SUPV3L1: variants seen among roughly 807,000 people sequenced by gnomAD.
SUPV3L1 encodes the protein Suv3 like RNA helicase.
A neutral mutation model predicts 70.0 loss-of-function variants in SUPV3L1; 35 were observed. That is an observed-to-expected ratio of 0.50 (90% confidence interval 0.38 to 0.66). The LOEUF (loss-of-function observed/expected upper bound fraction) is 0.66. Among genes scored for constraint, SUPV3L1 ranks in the 30% least tolerant of loss-of-function variants. SUPV3L1 has a pLI of 0.00. For missense variants in SUPV3L1, 777 were observed against 961.5 expected, an observed-to-expected ratio of 0.81 and a Z score of 2.54; for synonymous variants, 364 against 341.9, an observed-to-expected ratio of 1.06 and a Z score of -0.71.
At chr10:69,205,537 G>A (rs1842803210) in intron 13 of SUPV3L1, among the ~76,000 whole-genome samples, 1 of 152,106 alleles carries the variant, frequency 6.6e-6, no homozygotes, top group South Asian at 2.1e-4. Flanking sequence ...ATGATGCGTG[G>A]TGTGTTTTCT....
chr10:69,202,768 G>A (rs763773154), intron 12 of SUPV3L1, 99 bp from the exon 13 acceptor site: 144 of 1,291,410 alleles, frequency 1.1e-4, no homozygotes, highest in Non-Finnish European at 1.5e-4. Context: ...AGTTTGTTCT[G>A]GATTAAAGAG....
intron 6 of SUPV3L1, chr10:69,192,040 C>T: frequency 4.4e-6 from 1 of 227,240 alleles, no homozygotes; most frequent in Non-Finnish European, 8.8e-6. Context: ...CTCCCGACCT[C>T]AGGTGATCTG....
intron 10 of SUPV3L1, 125 bp from the exon 11 acceptor site, chr10:69,200,155 T>C: frequency 2.7e-6 from 2 of 736,628 alleles, no homozygotes; most frequent in Non-Finnish European, 4.4e-6. Flanking sequence ...CTTTCCTTAA[T>C]TTTGTAAGTG....
chr10:69,183,414 C>T (rs984881073), intron 1 of SUPV3L1, among the ~76,000 whole-genome samples: 2 of 152,190 alleles, frequency 1.3e-5, no homozygotes, highest in Admixed American at 6.5e-5. Context: ...CGCAGTGTCT[C>T]GTGCCTGCAA....
In SUPV3L1 at chr10:69,199,155, A is replaced by G. The variant is rs1842620538; in HGVS notation, c.1256A>G (p.Lys419Arg). The change falls in exon 10 of 15, where the codon AAA (lysine) becomes AGA (arginine). Residue 419 changes from lysine to arginine, a missense_variant. Physicochemically the swap from Lys to Arg is conservative, Grantham distance 26 (BLOSUM62 2). Transcript: ENST00000359655. ...TTTAATGATCCCAATGACCCATGCA[A>G]AATCTTGGTTGCTACAGATGCAATT... The part of the protein sequence containing the change: ...KKFNDPNDPC[K>R]ILVATDAIGM... 6.2e-7 allele frequency: 1 copy of G among 1,612,772 alleles called. No individual in the cohort carries two copies. Among genetic ancestry groups the G allele is most frequent in the Non-Finnish European group, 8.5e-7 (1 of 1,179,670 alleles).
chr10:69,200,502 A>G lies in SUPV3L1; in HGVS notation c.1518+3A>G, dbSNP rs1317463952. On this transcript the variant is annotated splice_donor_region_variant and intron_variant, in intron 11 of 14. Coordinates refer to ENST00000359655, the MANE Select transcript of SUPV3L1 (RefSeq NM_003171.5). ...AGAGGCCTGTGGATCCTATAAGGGT[A>G]AGAGGTAACATGTTAACTACTGCTT... 1 of 1,608,768 alleles carries G rather than the reference A, an allele frequency of 6.2e-7. No homozygotes were observed. The highest frequency in any genetic ancestry group is 2.2e-5 in the East Asian group (1 of 44,850).
chr10:69,203,877 C>T (rs1356536725), intron 13 of SUPV3L1, among the ~76,000 whole-genome samples: 2 of 151,780 alleles, frequency 1.3e-5, no homozygotes, highest in African/African-American at 2.4e-5. Context: ...AGGCATGTGC[C>T]ACCATGCCCA....
Position 69,206,011 on chromosome 10 carries a change from TG to T in SUPV3L1, c.1777-1780del, listed in dbSNP as rs1842819197. On this transcript the variant is annotated intron_variant, in intron 13 of 14. Coordinates refer to ENST00000359655, the MANE Select transcript of SUPV3L1 (RefSeq NM_003171.5). ...ATGGAGCTCCTTTAGGGCCAGCTGC[TG>T]GATGGATGGATGGATGGATGGATGG... Among the ~76,000 whole-genome samples, 4 of 11,198 alleles carry T rather than the reference TG, an allele frequency of 3.6e-4. No homozygotes were observed. In the Non-Finnish European group the frequency reaches 0.017, roughly 47 times the overall value. The allele number at this position is 11,198 out of a possible 152,430, so 7.3% of individuals were successfully genotyped here. A position where few individuals can be genotyped will look rare whatever the true frequency, so the allele number is the denominator to read the frequency against.
rs760066333 is a variant in SUPV3L1, at chr10:69,180,411, G to A, written c.120G>A (p.Gly40=). The A allele has an allele frequency of 1.9e-6, 3 of 1,614,258 alleles. No individual in the cohort carries two copies. Among genetic ancestry groups the A allele is most frequent in the East Asian group, 2.2e-5 (1 of 44,890 alleles). The part of the protein sequence containing the change: ...PHFGPFPGVL[G]QVSVLATASS... ...TTGGGCCCTTTCCCGGGGTTCTGGG[G>A]CAAGTTTCTGTCCTTGCCACCGCCT... is the stretch of plus-strand genomic sequence containing the variant. Residue 40 remains glycine, a synonymous_variant, in exon 1 of 15, where the codon GGG becomes GGA. Transcript: ENST00000359655.
At chr10:69,206,010 C>CTGGATGGATGGA (rs57176107) in intron 13 of SUPV3L1, among the ~76,000 whole-genome samples, 1 of 150,856 alleles carries the variant, frequency 6.6e-6, no homozygotes, top group Non-Finnish European at 1.5e-5. Context: ...GGGCCAGCTG[C>CTGGATGGATGGA]TGGATGGATG....
intron 11 of SUPV3L1, 39 bp from the exon 12 acceptor site, chr10:69,202,400 A>G (rs745331804): frequency 1.3e-6 from 2 of 1,576,794 alleles, no homozygotes; most frequent in Non-Finnish European, 1.7e-6. Context: ...TTTGAAAAAA[A>G]AAAAATCAGC....
intron 13 of SUPV3L1, among the ~76,000 whole-genome samples, chr10:69,204,432 C>T (rs962865313): frequency 1.3e-5 from 2 of 152,098 alleles, no homozygotes; most frequent in Admixed American, 6.5e-5. Context: ...TTTTAAATAA[C>T]ATAAATAGTC....
intron 13 of SUPV3L1, among the ~76,000 whole-genome samples, chr10:69,204,225 C>G (rs147259875): frequency 6.6e-6 from 1 of 152,022 alleles, no homozygotes; most frequent in African/African-American, 2.4e-5. Flanking sequence ...CTGTATGTAC[C>G]TTATAAACAT....
chr10:69,201,316 T>C (rs911104403), intron 11 of SUPV3L1, among the ~76,000 whole-genome samples: 8 of 152,184 alleles, frequency 5.3e-5, no homozygotes, highest in Admixed American at 1.3e-4. Flanking sequence ...TCATACTTCA[T>C]TCCTTATACT....
At chr10:69,198,639 A>G (rs757144858) in intron 9 of SUPV3L1, 87 bp downstream of exon 9, 104 of 1,313,770 alleles carry the variant, frequency 7.9e-5, no homozygotes, top group Non-Finnish European at 1.1e-4. Context: ...ATGGTAAACA[A>G]TATTGAATTA....
intron 11 of SUPV3L1, among the ~76,000 whole-genome samples, chr10:69,201,374 C>T (rs1842675927): frequency 6.6e-6 from 1 of 152,172 alleles, no homozygotes; most frequent in Non-Finnish European, 1.5e-5. Context: ...AAAGAGAACT[C>T]ACTTCCAGTT....
At position 69,189,450 on chromosome 10, in the gene SUPV3L1, A is replaced by C. The variant is rs374496730; in HGVS notation, c.741+15A>C. The C allele has an allele frequency of 2.5e-5, 39 of 1,552,054 alleles. No homozygotes were observed. Among genetic ancestry groups the C allele is most frequent in the Non-Finnish European group, 3.3e-5 (38 of 1,148,376 alleles). ...GTAATGCTGCTGTCAGTATATTACC[A>C]AATATTTGCTCATTTTTTTCTTAAT... On this transcript the variant is annotated intron_variant, in intron 5 of 14. Coordinates refer to ENST00000359655, the MANE Select transcript of SUPV3L1 (RefSeq NM_003171.5).
Position 69,181,045 on chromosome 10 carries a change from G to A in SUPV3L1, c.271+483G>A, listed in dbSNP as rs567438511. ...GACTCAGATCCAGATCCCCTCTTAA[G>A]AAACGTAACGGTATCGTGGGGGAGG... is the stretch of plus-strand genomic sequence containing the variant. On this transcript the variant is annotated intron_variant, in intron 1 of 14. Coordinates refer to ENST00000359655, the MANE Select transcript of SUPV3L1 (RefSeq NM_003171.5). Among the ~76,000 whole-genome samples, 88 of 152,254 alleles carry A rather than the reference G, an allele frequency of 5.8e-4. No individual in the cohort carries two copies. In the Middle Eastern group the frequency reaches 0.014, roughly 24 times the overall value.
intron 9 of SUPV3L1, among the ~76,000 whole-genome samples, chr10:69,198,886 TGTG>T (rs1842611562): frequency 1.3e-5 from 2 of 152,260 alleles, no homozygotes; most frequent in African/African-American, 4.8e-5. Flanking sequence ...ATAAGGCTAG[TGTG>T]GTGGGGGATT....
Sources: gnomAD v4.1 joint callset for allele counts (sites outside exome capture counted in the v4.1 genomes callset) on GRCh38, gnomAD v4.1.1 for gene constraint, MANE v1.5 for transcripts, NCBI Gene and HGNC (gene_info 2026-07-23, HGNC 2026-07-21) for gene names.